TCEA1: variants seen among roughly 807,000 people sequenced by gnomAD.
TCEA1 encodes transcription elongation factor A protein 1.
Under a neutral mutation model 43.8 loss-of-function variants are expected in TCEA1, and 21 were observed. The ratio of observed to expected loss-of-function variants is 0.48; its 90% CI spans 0.34 to 0.69. The LOEUF (loss-of-function observed/expected upper bound fraction) is 0.69. TCEA1 is among the 30% of genes least tolerant of loss of function. TCEA1 has a pLI of 0.01. For synonymous variants in TCEA1, 104 were observed against 117.5 expected, an observed-to-expected ratio of 0.88 and a Z score of 0.75; for missense variants, 250 against 365.1, an observed-to-expected ratio of 0.68 and a Z score of 2.57.
chr8:53,982,031 C>T (rs574275720), intron 7 of TCEA1, among the ~76,000 whole-genome samples: 2 of 151,242 alleles, frequency 1.3e-5, no homozygotes, highest in Admixed American at 1.3e-4. Context: ...TCCCAAACTG[C>T]TTTGATTACA....
At chr8:53,991,753 A>T (rs1427364409) in intron 4 of TCEA1, among the ~76,000 whole-genome samples, 1 of 151,640 alleles carries the variant, frequency 6.6e-6, no homozygotes, top group African/African-American at 2.4e-5. Flanking sequence ...AGACTGAGGA[A>T]CTATTCCAGA....
intron 2 of TCEA1, among the ~76,000 whole-genome samples, chr8:54,002,299 A>G (rs573104682): frequency 3.5e-4 from 53 of 151,814 alleles, no homozygotes; most frequent in African/African-American, 1.2e-3. Flanking sequence ...GTGAAACCCC[A>G]TCTTTAAAAA....
At chr8:53,990,201 A>T (rs1225336467) in intron 4 of TCEA1, among the ~76,000 whole-genome samples, 1 of 151,404 alleles carries the variant, frequency 6.6e-6, no homozygotes, top group Non-Finnish European at 1.5e-5. Flanking sequence ...CTGTCTCCAA[A>T]AAAAAAAAAT....
At chr8:53,968,600 T>C (rs531406273) in intron 9 of TCEA1, among the ~76,000 whole-genome samples, 47 of 152,116 alleles carry the variant, frequency 3.1e-4, no homozygotes, top group African/African-American at 1.1e-3. Context: ...TCTCAGCACT[T>C]TGGGAGGCCG....
intron 1 of TCEA1, 64 bp downstream of exon 1, chr8:54,021,999 C>A: frequency 7.1e-7 from 1 of 1,407,208 alleles, no homozygotes; most frequent in Non-Finnish European, 9.3e-7. Flanking sequence ...AGGGAGGGGG[C>A]GGCCCCCTCG....
intron 4 of TCEA1, among the ~76,000 whole-genome samples, chr8:53,989,795 T>C (rs1183895782): frequency 6.6e-6 from 1 of 152,192 alleles, no homozygotes; most frequent in Non-Finnish European, 1.5e-5. Flanking sequence ...AGCAAGACTT[T>C]TCACAGTGGT....
At chr8:53,979,223 C>T (rs371497155) in intron 7 of TCEA1, 52 bp from the exon 8 acceptor site, 3 of 1,495,396 alleles carry the variant, frequency 2.0e-6, no homozygotes, top group East Asian at 2.3e-5. Flanking sequence ...CTATATATAT[C>T]CTGAATGCTT....
At chr8:53,989,744 AT>A (rs1009105111) in intron 4 of TCEA1, among the ~76,000 whole-genome samples, 14 of 152,090 alleles carry the variant, frequency 9.2e-5, no homozygotes, top group African/African-American at 3.4e-4. Context: ...TTAAAAACCC[AT>A]TTATTATTTT....
Position 53,979,262 on chromosome 8 carries a change from A to G in TCEA1, c.679-91T>C, listed in dbSNP as rs116811007. On this transcript the variant is annotated intron_variant, in intron 7 of 9. Transcript: ENST00000521604. ...TGCTCAATTAGCCTAATAATAATAA[A>G]ACCACATATCAACCTTTAAGGTTTT... 1,057 of 1,306,918 alleles carry G rather than the reference A, an allele frequency of 8.1e-4. 7 individuals carry two copies. The African/African-American group carries it at 0.014, about 17-fold the overall frequency. 81.0% of individuals were successfully genotyped at this position (1,306,918 alleles called of 1,614,324 possible).
intron 2 of TCEA1, among the ~76,000 whole-genome samples, chr8:54,003,758 C>T (rs983950398): frequency 4.6e-5 from 7 of 151,826 alleles, no homozygotes; most frequent in South Asian, 2.1e-4. Context: ...GGATATGACA[C>T]CTAAGGCGCA....
intron 1 of TCEA1, among the ~76,000 whole-genome samples, chr8:54,015,273 G>A (rs1258986694): frequency 6.6e-6 from 1 of 151,738 alleles, no homozygotes; most frequent in Non-Finnish European, 1.5e-5. Flanking sequence ...GGGTTCAAGC[G>A]ATTATCCTGC....
intron 2 of TCEA1, among the ~76,000 whole-genome samples, chr8:54,006,082 T>C (rs1456885223): frequency 1.3e-5 from 2 of 152,202 alleles, no homozygotes; most frequent in Non-Finnish European, 2.9e-5. Flanking sequence ...TTCAGCTTTA[T>C]CACCTACATA....
intron 2 of TCEA1, among the ~76,000 whole-genome samples, chr8:54,001,307 A>AG (rs1288174444): frequency 2.0e-5 from 3 of 152,226 alleles, no homozygotes; most frequent in Non-Finnish European, 4.4e-5. Flanking sequence ...ACCCTATTGT[A>AG]AGCTTTACGG....
intron 2 of TCEA1, among the ~76,000 whole-genome samples, chr8:54,002,479 A>T (rs1563502221): frequency 6.6e-6 from 1 of 151,872 alleles, no homozygotes; most frequent in Non-Finnish European, 1.5e-5. Flanking sequence ...AAAAAAAAAA[A>T]GAAAAAAAAG....
At chr8:53,983,529 C>CCCAG (rs1803583684) in intron 7 of TCEA1, among the ~76,000 whole-genome samples, 1 of 152,172 alleles carries the variant, frequency 6.6e-6, no homozygotes, top group Non-Finnish European at 1.5e-5. Context: ...GTGGCTCACG[C>CCCAG]CTGTGATCCC....
At chr8:54,014,628 T>C (rs1804763505) in intron 1 of TCEA1, among the ~76,000 whole-genome samples, 1 of 152,224 alleles carries the variant, frequency 6.6e-6, no homozygotes, top group African/African-American at 2.4e-5. Context: ...GGTGCTCCTA[T>C]CTGGTAATAG....
At position 54,005,125 on chromosome 8, in the gene TCEA1, C is replaced by T. The variant is rs567113634; in HGVS notation, c.127-5075G>A. ...TTGATTTAATCAGTCTGTTATATCC[C>T]AACTCTGTTTTCCCTTTTTCCTAGG... On this transcript the variant is annotated intron_variant, in intron 2 of 9. Coordinates refer to ENST00000521604, the MANE Select transcript of TCEA1 (RefSeq NM_006756.4). Among the ~76,000 whole-genome samples, 13 of 152,298 alleles carry T rather than the reference C, an allele frequency of 8.5e-5. No homozygotes were observed. The South Asian group carries it at 2.5e-3, about 29-fold the overall frequency.
chr8:53,969,664 G>A (rs1803100187), intron 9 of TCEA1, among the ~76,000 whole-genome samples: 1 of 152,174 alleles, frequency 6.6e-6, no homozygotes, highest in African/African-American at 2.4e-5. Flanking sequence ...ATATAGTTCA[G>A]TAATGGGAAG....
chr8:54,008,511 T>C (rs932928953), intron 2 of TCEA1, among the ~76,000 whole-genome samples: 29 of 151,744 alleles, frequency 1.9e-4, no homozygotes, highest in Non-Finnish European at 5.9e-5. Context: ...TAGCCAAGCA[T>C]GGTAGCATGC....
Sources: gnomAD v4.1 joint callset for allele counts (sites outside exome capture counted in the v4.1 genomes callset) on GRCh38, gnomAD v4.1.1 for gene constraint, MANE v1.5 for transcripts, NCBI Gene and HGNC (gene_info 2026-07-23, HGNC 2026-07-21) for gene names.